SSU72: variants seen among roughly 807,000 people sequenced by gnomAD.
SSU72 encodes RNA polymerase II subunit A C-terminal domain phosphatase SSU72.
Under a neutral mutation model 22.7 loss-of-function variants are expected in SSU72, and 12 were observed. The ratio of observed to expected loss-of-function variants is 0.53; its 90% CI spans 0.34 to 0.86. The LOEUF is 0.86. SSU72 is among the 40% of genes least tolerant of loss of function. The probability of loss-of-function intolerance (pLI) is 0.02; values close to 1 mark genes in which losing one functional copy is unlikely to be tolerated. For synonymous variants in SSU72, 116 were observed against 98.3 expected (o/e 1.18, Z -1.06); for missense variants, 151 against 249.8 (o/e 0.60, Z 2.67).
intron 2 of SSU72, chr1:1,564,501 T>C: frequency 6.6e-7 from 1 of 1,504,782 alleles, no homozygotes; most frequent in East Asian, 2.5e-5. Context: ...GCATCCCTGG[T>C]CTACGCTATG....
chr1:1,560,678 AAGG>A, intron 2 of SSU72, among the ~76,000 whole-genome samples: 1 of 152,308 alleles, frequency 6.6e-6, no homozygotes, highest in Non-Finnish European at 1.5e-5. Flanking sequence ...ACAGAAAGTC[AAGG>A]AGATTTTGTA....
intron 1 of SSU72, among the ~76,000 whole-genome samples, chr1:1,574,204 G>A (rs1642776920): frequency 1.3e-5 from 2 of 152,116 alleles, no homozygotes; most frequent in South Asian, 4.1e-4. Context: ...CCCTCGCCGC[G>A]GACGCTACCC....
intron 2 of SSU72, among the ~76,000 whole-genome samples, chr1:1,546,709 C>T (rs1248334828): frequency 1.3e-5 from 2 of 151,920 alleles, no homozygotes; most frequent in Non-Finnish European, 2.9e-5. Flanking sequence ...GGGCGGCACA[C>T]ACCTGTAATC....
At position 1,574,644 on chromosome 1, in the gene SSU72, G is replaced by A. The variant is rs565322231; in HGVS notation, c.-87C>T. 7.6e-7 allele frequency: 1 copy of A among 1,309,036 alleles called. No individual in the cohort carries two copies. Among genetic ancestry groups the A allele is most frequent in the African/African-American group, 2.4e-5 (1 of 41,192 alleles). 81.1% of individuals were successfully genotyped at this position (1,309,036 alleles called of 1,614,324 possible). A position where few individuals can be genotyped will look rare whatever the true frequency, so the allele number is the denominator to read the frequency against. The stretch of plus-strand genomic sequence containing the variant: ...GCGCGAACAAAATGGCGGCCGCGGT[G>A]GCCGGAAGCGGGCGACGCGAAACGA... On this transcript the variant is annotated 5_prime_UTR_variant, in exon 1 of 5. Transcript: ENST00000291386.
At chr1:1,558,609 A>G (rs116103718) in intron 2 of SSU72, among the ~76,000 whole-genome samples, 126 of 152,350 alleles carry the variant, frequency 8.3e-4, no homozygotes, top group African/African-American at 2.9e-3. Context: ...TTTGCAGTTC[A>G]TAACACAAAA....
chr1:1,546,286 T>C (rs1374536601), intron 2 of SSU72: 4 of 152,226 alleles, frequency 2.6e-5, no homozygotes, highest in Admixed American at 6.5e-5. Flanking sequence ...TTATAATACA[T>C]TGAAGTGGTT....
intron 1 of SSU72, among the ~76,000 whole-genome samples, chr1:1,566,251 C>T (rs886373875): frequency 8.6e-5 from 13 of 151,928 alleles, no homozygotes; most frequent in Admixed American, 5.9e-4. Flanking sequence ...GGCAAAAGAG[C>T]GAGACTCTGT....
At chr1:1,571,678 G>A (rs1440069344) in intron 1 of SSU72, among the ~76,000 whole-genome samples, 2 of 152,254 alleles carry the variant, frequency 1.3e-5, no homozygotes, top group African/African-American at 4.8e-5. Flanking sequence ...ACGGCCACTG[G>A]CCACTCTGAA....
At chr1:1,555,344 G>A (rs1642509496) in intron 2 of SSU72, among the ~76,000 whole-genome samples, 1 of 152,218 alleles carries the variant, frequency 6.6e-6, no homozygotes, top group Non-Finnish European at 1.5e-5. Context: ...TGGGAGCCTC[G>A]CTCCAGCGAG....
chr1:1,574,021 CAAA>C (rs71578327), intron 1 of SSU72, among the ~76,000 whole-genome samples: 4 of 87,652 alleles, frequency 4.6e-5, no homozygotes, highest in South Asian at 4.5e-4. Flanking sequence ...GGATCTTTCG[CAAA>C]AAAAAAAAAA....
chr1:1,574,663 GA>G lies in SSU72; in HGVS notation c.-107del, dbSNP rs1642789538. The G allele has an allele frequency of 1.7e-6, 2 of 1,158,620 alleles. No individual in the cohort carries two copies. The highest frequency in any genetic ancestry group is 1.7e-5 in the African/African-American group (1 of 60,548). The allele number at this position is 1,158,620 out of a possible 1,614,324, so 71.8% of individuals were successfully genotyped here. ...CGCGGTGGCCGGAAGCGGGCGACGC[GA>G]AACGACGGCGCCGGCGGTGTAGCGT... On this transcript the variant is annotated 5_prime_UTR_variant, in exon 1 of 5. Coordinates refer to ENST00000291386, the MANE Select transcript of SSU72 (RefSeq NM_014188.3).
intron 2 of SSU72, among the ~76,000 whole-genome samples, chr1:1,558,077 C>T (rs927299358): frequency 7.9e-5 from 12 of 152,030 alleles, no homozygotes; most frequent in Admixed American, 5.2e-4. Context: ...TGGCACATGC[C>T]TGAAATCCCA....
chr1:1,556,885 C>G (rs866095782), intron 2 of SSU72, among the ~76,000 whole-genome samples: 1 of 152,246 alleles, frequency 6.6e-6, no homozygotes, highest in Admixed American at 6.5e-5. Flanking sequence ...TCCAGACCCT[C>G]AAATGACCAC....
In SSU72 at chr1:1,573,792, C is replaced by T. The variant is rs151254454; in HGVS notation, c.80+686G>A. Among the ~76,000 whole-genome samples the T allele has an allele frequency of 2.2e-3, 329 of 152,268 alleles. 2 individuals are homozygous for T. The highest frequency in any genetic ancestry group is 7.5e-3 in the African/African-American group (313 of 41,554). ...AACTTTCTTACTATCAAAGTTGACA[C>T]ATACCAAATTTTAACTGTAAGTCAA... On this transcript the variant is annotated intron_variant, in intron 1 of 4. Transcript: ENST00000291386.
At chr1:1,553,740 G>T (rs189043212) in intron 2 of SSU72, among the ~76,000 whole-genome samples, 348 of 150,222 alleles carry the variant, frequency 2.3e-3, no homozygotes, top group African/African-American at 8.0e-3. Flanking sequence ...GCGGTGAGCC[G>T]AGACCACGCC....
chr1:1,563,656 A>C (rs1018041554), intron 2 of SSU72: 3 of 152,218 alleles, frequency 2.0e-5, no homozygotes, highest in African/African-American at 7.2e-5. Context: ...GTTTAAGACC[A>C]GCCTGGCCAA....
In SSU72 at chr1:1,555,461, G is replaced by A. The variant is rs898959848; in HGVS notation, c.224+9312C>T. ...GAAAGGAGGAACCAGTGCTGCAGGG[G>A]CCAGGTGGCGGCTGTGGCAGGCATG... On this transcript the variant is annotated intron_variant, in intron 2 of 4. Coordinates refer to ENST00000291386, the MANE Select transcript of SSU72 (RefSeq NM_014188.3). Among the ~76,000 whole-genome samples, 36 of 152,354 alleles carry A rather than the reference G, an allele frequency of 2.4e-4. 1 individual carries two copies. Among genetic ancestry groups the A allele is most frequent in the Admixed American group, 1.8e-3 (28 of 15,304 alleles).
intron 2 of SSU72, among the ~76,000 whole-genome samples, chr1:1,558,000 A>C (rs1461606762): frequency 2.6e-5 from 4 of 151,354 alleles, no homozygotes; most frequent in African/African-American, 9.7e-5. Flanking sequence ...ACATGAGGTC[A>C]GGACCAGCCT....
intron 2 of SSU72, 129 bp from the exon 3 acceptor site, chr1:1,545,131 G>A: frequency 1.8e-6 from 2 of 1,111,278 alleles, no homozygotes; most frequent in South Asian, 1.5e-5. Flanking sequence ...GGCCTGGACA[G>A]CGGAGTGGGC....
Sources: gnomAD v4.1 joint callset for allele counts (sites outside exome capture counted in the v4.1 genomes callset) on GRCh38, gnomAD v4.1.1 for gene constraint, MANE v1.5 for transcripts, NCBI Gene and HGNC (gene_info 2026-07-23, HGNC 2026-07-21) for gene names.